Variants in WDR7 observed in about 807,000 individuals in gnomAD.
WDR7 encodes the protein WD repeat-containing protein 7.
A neutral mutation model predicts 169.4 loss-of-function variants in WDR7; 46 were observed. The ratio of observed to expected loss-of-function variants is 0.27; its 90% CI spans 0.21 to 0.35. WDR7 has a LOEUF of 0.35. Among genes scored for constraint, WDR7 ranks in the 10% least tolerant of loss-of-function variants. The pLI is 1.00. For synonymous variants in WDR7, 612 were observed against 666.8 expected, an observed-to-expected ratio of 0.92 and a Z score of 1.27; for missense variants, 1,534 against 1,859.3, an observed-to-expected ratio of 0.83 and a Z score of 3.22.
At chr18:56,826,614 G>A (rs138825765) in intron 20 of WDR7, among the ~76,000 whole-genome samples, 71 of 152,176 alleles carry the variant, frequency 4.7e-4, no homozygotes, top group African/African-American at 1.6e-3. Context: ...TTCTCCTCAC[G>A]TGACATACTA....
chr18:56,846,957 T>C (rs2045577577), intron 20 of WDR7, among the ~76,000 whole-genome samples: 1 of 152,202 alleles, frequency 6.6e-6, no homozygotes, highest in Non-Finnish European at 1.5e-5. Context: ...GAATGGGGCA[T>C]TGCTTTAAAT....
At chr18:56,951,789 C>CT (rs34828659) in intron 25 of WDR7, among the ~76,000 whole-genome samples, 1,650 of 152,068 alleles carry the variant, frequency 0.011, 32 homozygotes, top group African/African-American at 0.038. Context: ...ATTTAAGACT[C>CT]TAAGTGAATA....
At chr18:56,902,933 G>A (rs1209261004) in intron 21 of WDR7, among the ~76,000 whole-genome samples, 2 of 152,280 alleles carry the variant, frequency 1.3e-5, no homozygotes, top group Non-Finnish European at 1.5e-5. Flanking sequence ...GTCTAGGAAT[G>A]TGTGAATTTT....
At chr18:56,922,934 G>A (rs959034482) in intron 21 of WDR7, among the ~76,000 whole-genome samples, 35 of 152,102 alleles carry the variant, frequency 2.3e-4, no homozygotes, top group African/African-American at 8.0e-4. Context: ...TAGGTATTCA[G>A]AATAAGCTCA....
intron 20 of WDR7, among the ~76,000 whole-genome samples, chr18:56,845,498 G>A (rs1240755734): frequency 2.6e-5 from 4 of 151,996 alleles, no homozygotes; most frequent in Admixed American, 2.0e-4. Flanking sequence ...AGTTTACGGG[G>A]AGTAGAAATA....
intron 16 of WDR7, 103 bp downstream of exon 16, chr18:56,759,056 T>A: frequency 2.3e-6 from 2 of 887,032 alleles, no homozygotes; most frequent in South Asian, 2.5e-5. Context: ...CTTGGATTGT[T>A]AAAAGAGAGA....
At chr18:56,656,287 T>TC (rs1285680273) in intron 1 of WDR7, among the ~76,000 whole-genome samples, 1 of 151,508 alleles carries the variant, frequency 6.6e-6, no homozygotes, top group African/African-American at 2.4e-5. Context: ...CTGTTTTTTT[T>TC]TTTTTTTTTG....
At chr18:56,676,730 G>C (rs1338361225) in intron 2 of WDR7, among the ~76,000 whole-genome samples, 1 of 150,268 alleles carries the variant, frequency 6.7e-6, no homozygotes, top group Non-Finnish European at 1.5e-5. Context: ...TTTTTTTTGG[G>C]AGACAGGGTC....
chr18:56,850,194 T>G (rs2045621279), intron 20 of WDR7, among the ~76,000 whole-genome samples: 1 of 152,250 alleles, frequency 6.6e-6, no homozygotes, highest in Non-Finnish European at 1.5e-5. Flanking sequence ...TCTAGTCACT[T>G]TCTCTGGTAC....
intron 1 of WDR7, among the ~76,000 whole-genome samples, chr18:56,665,256 G>A (rs1325521690): frequency 1.3e-5 from 2 of 149,096 alleles, no homozygotes; most frequent in Non-Finnish European, 3.0e-5. Flanking sequence ...TTGCACCACT[G>A]CACTCCCGCC....
chr18:56,660,814 A>T (rs865864875), intron 1 of WDR7, among the ~76,000 whole-genome samples: 1 of 152,204 alleles, frequency 6.6e-6, no homozygotes, highest in Non-Finnish European at 1.5e-5. Flanking sequence ...AGGTCAAGTA[A>T]GATAAGGGTT....
chr18:56,973,334 C>G (rs1003298293), intron 26 of WDR7, among the ~76,000 whole-genome samples: 2 of 152,120 alleles, frequency 1.3e-5, no homozygotes, highest in Non-Finnish European at 2.9e-5. Flanking sequence ...ATTTCAACAT[C>G]CTTGCAAAAG....
At chr18:56,746,087 A>G (rs971316887) in intron 14 of WDR7, among the ~76,000 whole-genome samples, 1 of 152,222 alleles carries the variant, frequency 6.6e-6, no homozygotes, top group African/African-American at 2.4e-5. Context: ...AACCTTGAAT[A>G]GAAATATATT....
intron 20 of WDR7, among the ~76,000 whole-genome samples, chr18:56,844,199 G>A (rs535569091): frequency 1.1e-4 from 16 of 151,672 alleles, no homozygotes; most frequent in East Asian, 7.7e-4. Context: ...CCTAATGAGC[G>A]TGAAGTGTGA....
intron 26 of WDR7, among the ~76,000 whole-genome samples, chr18:56,973,984 A>G (rs1429860476): frequency 6.6e-6 from 1 of 152,142 alleles, no homozygotes; most frequent in African/African-American, 2.4e-5. Context: ...CTTATTTCCC[A>G]TCTCTTTTAT....
chr18:56,683,349 AT>A (rs1346944256), intron 5 of WDR7, among the ~76,000 whole-genome samples: 1 of 152,198 alleles, frequency 6.6e-6, no homozygotes, highest in African/African-American at 2.4e-5. Flanking sequence ...TCTTTTCTTC[AT>A]TTTTGTTGAA....
At chr18:56,969,092 AT>A (rs2047449466) in intron 26 of WDR7, among the ~76,000 whole-genome samples, 1 of 152,150 alleles carries the variant, frequency 6.6e-6, no homozygotes, top group Non-Finnish European at 1.5e-5. Flanking sequence ...TCTGCTAGAC[AT>A]TTCCATTTGG....
At chr18:56,923,408 C>A (rs562377005) in intron 21 of WDR7, among the ~76,000 whole-genome samples, 7 of 152,294 alleles carry the variant, frequency 4.6e-5, no homozygotes, top group South Asian at 2.1e-4. Flanking sequence ...AGTACATACA[C>A]CAGAATATAG....
At chr18:56,704,712 C>T (rs2025909920) in intron 12 of WDR7, among the ~76,000 whole-genome samples, 1 of 152,170 alleles carries the variant, frequency 6.6e-6, no homozygotes, top group Admixed American at 6.6e-5. Flanking sequence ...AGAAAGACTG[C>T]ATCCTTAGCT....
Sources: allele counts gnomAD v4.1 joint callset (sites outside exome capture counted in the v4.1 genomes callset), GRCh38; gene constraint gnomAD v4.1.1; transcripts MANE v1.5; gene names NCBI Gene and HGNC (gene_info 2026-07-23, HGNC 2026-07-21).